The following BNC2 variants were observed in gnomAD, a reference collection of about 807,000 sequenced individuals.
BNC2 encodes basonuclin zinc finger protein 2.
BNC2 carries 20 observed loss-of-function variants against 76.3 expected under a neutral mutation model. The ratio of observed to expected loss-of-function variants is 0.26; its 90% confidence interval spans 0.18 to 0.38. BNC2 has a LOEUF of 0.38. Among genes scored for constraint, BNC2 ranks in the 10% least tolerant of loss-of-function variants. The pLI, the probability that BNC2 is intolerant of heterozygous loss-of-function variation, is 1.00. For synonymous variants in BNC2, 582 were observed against 514.8 expected, an observed-to-expected ratio of 1.13 and a Z score of -1.77; for missense variants, 1,382 against 1,399.8, an observed-to-expected ratio of 0.99 and a Z score of 0.20.
chr9:16,733,526 AG>A (rs1253638803), intron 2 of BNC2, among the ~76,000 whole-genome samples: 1 of 152,096 alleles, frequency 6.6e-6, no homozygotes, highest in Non-Finnish European at 1.5e-5. Context: ...ATGGAAAGAC[AG>A]TAAAAAGTTC....
chr9:16,828,036 G>C (rs1366927660), intron 1 of BNC2, among the ~76,000 whole-genome samples: 1 of 152,062 alleles, frequency 6.6e-6, no homozygotes, highest in Non-Finnish European at 1.5e-5. Context: ...AATGATCTCA[G>C]GTCTAAATTT....
chr9:16,817,749 A>G (rs1241319118), intron 1 of BNC2, among the ~76,000 whole-genome samples: 1 of 152,158 alleles, frequency 6.6e-6, no homozygotes, highest in African/African-American at 2.4e-5. Flanking sequence ...CATACTGGAG[A>G]CTTTTAGTCA....
At chr9:16,463,626 G>GTAAA (rs1821637681) in intron 5 of BNC2, among the ~76,000 whole-genome samples, 1 of 152,040 alleles carries the variant, frequency 6.6e-6, no homozygotes, top group Non-Finnish European at 1.5e-5. Context: ...CAAATGAAGG[G>GTAAA]TATACTTGAT....
At chr9:16,537,410 A>G (rs1293548014) in intron 5 of BNC2, among the ~76,000 whole-genome samples, 1 of 152,182 alleles carries the variant, frequency 6.6e-6, no homozygotes, top group Non-Finnish European at 1.5e-5. Context: ...TGTAAAAAAA[A>G]GTGGACAACA....
At chr9:16,473,765 T>C (rs769038117) in intron 5 of BNC2, among the ~76,000 whole-genome samples, 20 of 152,048 alleles carry the variant, frequency 1.3e-4, no homozygotes, top group Non-Finnish European at 2.6e-4. Context: ...CCCAGCTACT[T>C]GGGAGGCTGA....
chr9:16,571,321 T>C (rs1819317033), intron 4 of BNC2, among the ~76,000 whole-genome samples: 2 of 152,208 alleles, frequency 1.3e-5, no homozygotes, highest in South Asian at 4.1e-4. Context: ...TGTCTCACAT[T>C]GTAGCAAGAT....
intron 5 of BNC2, among the ~76,000 whole-genome samples, chr9:16,457,479 G>A (rs1193535844): frequency 1.3e-5 from 2 of 152,112 alleles, no homozygotes; most frequent in Non-Finnish European, 2.9e-5. Flanking sequence ...CAAACTCCAG[G>A]GGAAACCAAG....
At chr9:16,431,871 G>C (rs556214744) in intron 6 of BNC2, among the ~76,000 whole-genome samples, 52 of 152,164 alleles carry the variant, frequency 3.4e-4, no homozygotes, top group Non-Finnish European at 6.3e-4. Flanking sequence ...GCACTCCTGT[G>C]AGAATCTAAT....
rs763726219 is a variant in BNC2, at chr9:16,436,963, C to A, written c.1231G>T (p.Val411Phe). The A allele has an allele frequency of 1.9e-6, 3 of 1,614,128 alleles. No homozygotes were observed. Among genetic ancestry groups the A allele is most frequent in the Non-Finnish European group, 2.5e-6 (3 of 1,180,034 alleles). The change falls in exon 6 of 7, where the codon GTC becomes TTC. Residue 411 changes from valine to phenylalanine, a missense_variant. By Grantham distance (50) the Val-to-Phe change is conservative. Coordinates refer to ENST00000380672, the MANE Select transcript of BNC2 (RefSeq NM_017637.6). ...TGTTCAGTTTTGGTTAGATCACTGACTGGGGCAGAATTCTGAATGGGAGAG... is the reference window on the plus strand; with the variant it reads ...TGTTCAGTTTTGGTTAGATCACTGAATGGGGCAGAATTCTGAATGGGAGAG... The part of the protein sequence containing the change: ...CVSPIQNSAP[V>F]SDLTKTEHPK...
chr9:16,501,776 C>T (rs184769190), intron 5 of BNC2, among the ~76,000 whole-genome samples: 3 of 152,214 alleles, frequency 2.0e-5, no homozygotes, highest in East Asian at 1.9e-4. Flanking sequence ...TTTAAAAAAG[C>T]GAATGTAACC....
intron 1 of BNC2, among the ~76,000 whole-genome samples, chr9:16,769,112 T>C (rs745550598): frequency 5.3e-5 from 8 of 152,194 alleles, no homozygotes; most frequent in East Asian, 1.9e-4. Context: ...TGGAAAAGCA[T>C]AGTGCCTGCT....
chr9:16,516,109 T>C (rs76214054), intron 5 of BNC2, among the ~76,000 whole-genome samples: 120 of 152,300 alleles, frequency 7.9e-4, no homozygotes, highest in African/African-American at 2.8e-3. Flanking sequence ...CTAAGTGCCT[T>C]ATGCCCTCTT....
intron 1 of BNC2, among the ~76,000 whole-genome samples, chr9:16,785,055 T>C (rs1826248130): frequency 6.6e-6 from 1 of 152,210 alleles, no homozygotes; most frequent in Non-Finnish European, 1.5e-5. Flanking sequence ...TACAAAGCAT[T>C]TTATAAAGAC....
intron 5 of BNC2, among the ~76,000 whole-genome samples, chr9:16,523,194 G>A (rs1448622439): frequency 2.6e-5 from 4 of 152,240 alleles, no homozygotes; most frequent in Admixed American, 6.5e-5. Flanking sequence ...ACAACTGGCC[G>A]GACGCGGTGG....
At chr9:16,549,345 T>G (rs1818588284) in intron 5 of BNC2, among the ~76,000 whole-genome samples, 2 of 152,214 alleles carry the variant, frequency 1.3e-5, no homozygotes, top group Admixed American at 1.3e-4. Flanking sequence ...GTGGTAAGAC[T>G]AACAGCCACC....
intron 5 of BNC2, among the ~76,000 whole-genome samples, chr9:16,458,356 G>A (rs1462090378): frequency 2.6e-5 from 4 of 152,134 alleles, no homozygotes; most frequent in African/African-American, 9.7e-5. Flanking sequence ...AGCTTTTGTG[G>A]TCCTTTTCAA....
At chr9:16,720,326 T>C (rs1448740128) in intron 3 of BNC2, among the ~76,000 whole-genome samples, 2 of 152,298 alleles carry the variant, frequency 1.3e-5, no homozygotes, top group Non-Finnish European at 2.9e-5. Context: ...GAATTCAGAA[T>C]GAGAGAGATG....
At chr9:16,678,292 TTTTTG>T in intron 3 of BNC2, among the ~76,000 whole-genome samples, 1 of 139,762 alleles carries the variant, frequency 7.2e-6, no homozygotes, top group African/African-American at 2.7e-5. Context: ...TTTTTTTTTT[TTTTTG>T]AGACAGAGTC....
intron 3 of BNC2, among the ~76,000 whole-genome samples, chr9:16,608,009 C>A (rs560237621): frequency 6.6e-6 from 1 of 152,192 alleles, no homozygotes; most frequent in African/African-American, 2.4e-5. Context: ...AGTCACACTG[C>A]CAGAAGGGAC....
Sources: gnomAD v4.1 joint callset for allele counts (sites outside exome capture counted in the v4.1 genomes callset) on GRCh38, gnomAD v4.1.1 for gene constraint, MANE v1.5 for transcripts, NCBI Gene and HGNC (gene_info 2026-07-23, HGNC 2026-07-21) for gene names.